The following TLL2 variants were observed in gnomAD, a reference collection of about 807,000 sequenced individuals.
TLL2 encodes the protein tolloid like 2, also known as tolloid-like protein 2.
Under a neutral mutation model 123.0 loss-of-function variants are expected in TLL2, and 106 were observed. The ratio of observed to expected loss-of-function variants is 0.86; its 90% CI spans 0.74 to 1.01. The LOEUF is 1.01. Ranked by LOEUF, TLL2 falls within the 50% of genes least tolerant of loss-of-function variation. TLL2 has a pLI of 0.00. For missense variants in TLL2, 1,332 were observed against 1,336.7 expected, an observed-to-expected ratio of 1.00 and a Z score of 0.06; for synonymous variants, 494 against 516.8, an observed-to-expected ratio of 0.96 and a Z score of 0.60.
intron 2 of TLL2, among the ~76,000 whole-genome samples, chr10:96,477,462 C>T (rs1847270855): frequency 6.6e-6 from 1 of 151,996 alleles, no homozygotes; most frequent in Non-Finnish European, 1.5e-5. Context: ...GATCCTCCCA[C>T]CTCAGCCTCT....
intron 1 of TLL2, among the ~76,000 whole-genome samples, chr10:96,502,430 C>T (rs980363839): frequency 6.6e-6 from 1 of 152,158 alleles, no homozygotes; most frequent in Admixed American, 6.5e-5. Flanking sequence ...ACTGCAGCAG[C>T]CCAGGTGTGA....
At chr10:96,368,315 G>T in intron 20 of TLL2, 93 bp from the exon 21 acceptor site, 2 of 1,444,046 alleles carry the variant, frequency 1.4e-6, no homozygotes, top group Non-Finnish European at 1.9e-6. Context: ...CAAGGACACA[G>T]GATGTGTCTC....
At chr10:96,464,975 A>C (rs1439703856) in intron 2 of TLL2, among the ~76,000 whole-genome samples, 2 of 152,268 alleles carry the variant, frequency 1.3e-5, no homozygotes, top group Non-Finnish European at 2.9e-5. Context: ...GCATAAATGC[A>C]ATAGATCCAA....
chr10:96,484,126 G>A (rs982127356), intron 1 of TLL2, among the ~76,000 whole-genome samples: 14 of 152,314 alleles, frequency 9.2e-5, no homozygotes, highest in African/African-American at 3.1e-4. Flanking sequence ...TTATAGGCAT[G>A]AGCCACTTCG....
intron 3 of TLL2, among the ~76,000 whole-genome samples, 169 bp downstream of exon 3, chr10:96,445,922 G>A (rs1310525518): frequency 6.6e-6 from 1 of 152,164 alleles, no homozygotes; most frequent in Admixed American, 6.5e-5. Context: ...TGCTTTGAGG[G>A]TGATGAAAAA....
Position 96,395,233 on chromosome 10 carries a change from G to C in TLL2, c.1680C>G (p.Ser560=). 5 of 1,612,700 alleles carry C rather than the reference G, an allele frequency of 3.1e-6. No homozygotes were observed. The highest frequency in any genetic ancestry group is 4.2e-6 in the Non-Finnish European group (5 of 1,179,602). Reference sequence around the variant, plus strand: ...AGCCCGCTTTATTGATAGAGCCATCGGACACAAACTTCATCCACAGTCTGT... The same window carrying C: ...AGCCCGCTTTATTGATAGAGCCATCCGACACAAACTTCATCCACAGTCTGT... The part of the protein sequence containing the change: ...SSNRLWMKFV[S]DGSINKAGFA... Residue 560 remains serine (S), a synonymous_variant, in exon 13 of 21, where the codon TCC becomes TCG. Transcript: ENST00000357947.
intron 1 of TLL2, among the ~76,000 whole-genome samples, chr10:96,488,611 C>T (rs1260782334): frequency 6.6e-6 from 1 of 152,202 alleles, no homozygotes; most frequent in Admixed American, 6.5e-5. Flanking sequence ...GCCCCTTAGG[C>T]TCACAGATAC....
chr10:96,487,144 C>T (rs1847364781), intron 1 of TLL2, among the ~76,000 whole-genome samples: 1 of 152,218 alleles, frequency 6.6e-6, no homozygotes, highest in South Asian at 2.1e-4. Context: ...CTTGGTCTCT[C>T]TGAGCCATGG....
chr10:96,473,050 C>CG (rs1847200273), intron 2 of TLL2, among the ~76,000 whole-genome samples: 1 of 151,600 alleles, frequency 6.6e-6, no homozygotes, highest in African/African-American at 2.4e-5. Flanking sequence ...TTCCATCAGC[C>CG]CCCCCCAATC....
At chr10:96,398,420 G>C (rs1846360647) in intron 10 of TLL2, among the ~76,000 whole-genome samples, 1 of 152,086 alleles carries the variant, frequency 6.6e-6, no homozygotes, top group Non-Finnish European at 1.5e-5. Context: ...CCCCCAACCA[G>C]GACATACAAA....
chr10:96,387,146 A>G (rs1023933911), intron 13 of TLL2, 68 bp from the exon 14 acceptor site: 2 of 1,581,704 alleles, frequency 1.3e-6, no homozygotes, highest in African/African-American at 2.7e-5. Flanking sequence ...CAACCCTTGC[A>G]TATCCCAGTG....
At chr10:96,506,539 G>T (rs1454141441) in intron 1 of TLL2, among the ~76,000 whole-genome samples, 1 of 150,740 alleles carries the variant, frequency 6.6e-6, no homozygotes, top group African/African-American at 2.4e-5. Flanking sequence ...CCATCTAGGA[G>T]CCTCTTCTGC....
intron 2 of TLL2, among the ~76,000 whole-genome samples, chr10:96,474,940 T>C (rs1378731894): frequency 1.3e-5 from 2 of 152,220 alleles, no homozygotes; most frequent in Non-Finnish European, 2.9e-5. Flanking sequence ...TGTCTTCACA[T>C]GGCCTTCTCT....
intron 10 of TLL2, among the ~76,000 whole-genome samples, chr10:96,402,586 CAG>C (rs1365515463): frequency 6.6e-6 from 1 of 152,186 alleles, no homozygotes; most frequent in African/African-American, 2.4e-5. Flanking sequence ...AGGCAGGAAA[CAG>C]AAATCCAGGC....
chr10:96,411,936 G>A (rs1043957347), intron 8 of TLL2, among the ~76,000 whole-genome samples: 1 of 152,060 alleles, frequency 6.6e-6, no homozygotes, highest in Non-Finnish European at 1.5e-5. Flanking sequence ...CACCCCCAAG[G>A]GTTCCATGGA....
rs141657313 is a variant in TLL2 at position 96,404,147 on chromosome 10, C to T, written c.1267+1085G>A. On this transcript the variant is annotated intron_variant, in intron 10 of 20. Coordinates refer to ENST00000357947, the MANE Select transcript of TLL2 (RefSeq NM_012465.4). ...TGCAGGTCCTTGGTGTGCTGAGTGCCGGTCCCCTGGGCCCACTGTTGTTTC... is the reference window on the plus strand; with the variant it reads ...TGCAGGTCCTTGGTGTGCTGAGTGCTGGTCCCCTGGGCCCACTGTTGTTTC... Among the ~76,000 whole-genome samples, 655 of 151,960 alleles carry T rather than the reference C, an allele frequency of 4.3e-3. 2 individuals are homozygous for T. The highest frequency in any genetic ancestry group is 6.3e-3 in the Non-Finnish European group (430 of 67,954).
At chr10:96,441,811 C>A (rs1846853173) in intron 3 of TLL2, among the ~76,000 whole-genome samples, 1 of 152,176 alleles carries the variant, frequency 6.6e-6, no homozygotes, top group South Asian at 2.1e-4. Context: ...GTTCGTGGGG[C>A]TCAGTTGTTA....
At chr10:96,397,142 G>A (rs1846349762) in intron 11 of TLL2, 44 bp downstream of exon 11, 1 of 1,546,330 alleles carries the variant, frequency 6.5e-7, no homozygotes, top group Non-Finnish European at 8.9e-7. Flanking sequence ...GAAGGACAGA[G>A]CTTATGAGGG....
intron 1 of TLL2, among the ~76,000 whole-genome samples, chr10:96,510,639 G>A (rs7922821): frequency 0.16 from 24,413 of 152,202 alleles, 2,206 homozygotes; most frequent in East Asian, 0.37. Context: ...GAAATCAAGT[G>A]ATTTGCCCAA....
Sources: gnomAD v4.1 joint callset for allele counts (sites outside exome capture counted in the v4.1 genomes callset) on GRCh38, gnomAD v4.1.1 for gene constraint, MANE v1.5 for transcripts, NCBI Gene and HGNC (gene_info 2026-07-23, HGNC 2026-07-21) for gene names.